NOX4: variants seen among roughly 807,000 people sequenced by gnomAD.
NOX4 encodes the protein kidney oxidase-1.
A neutral mutation model predicts 87.6 loss-of-function variants in NOX4; 69 were observed. That is an observed-to-expected ratio of 0.79 (90% CI 0.65 to 0.96). NOX4 has a LOEUF of 0.96. NOX4 is among the 40% of genes least tolerant of loss of function. NOX4 has a pLI of 0.00. For synonymous variants in NOX4, 275 were observed against 238.2 expected (o/e 1.15, Z -1.42); for missense variants, 680 against 681.5 (o/e 1.00, Z 0.02).
chr11:89,475,440 G>T (rs1002680572), intron 2 of NOX4, among the ~76,000 whole-genome samples: 1 of 152,028 alleles, frequency 6.6e-6, no homozygotes, highest in East Asian at 1.9e-4. Flanking sequence ...CTACTTTTGT[G>T]CATTTTTCAT....
At chr11:89,486,819 G>A (rs1400607984) in intron 2 of NOX4, among the ~76,000 whole-genome samples, 1 of 151,332 alleles carries the variant, frequency 6.6e-6, no homozygotes, top group Non-Finnish European at 1.5e-5. Context: ...TCCCACCTTG[G>A]CCTCCCAAAC....
chr11:89,330,989 A>T (rs1282892892), intron 17 of NOX4, among the ~76,000 whole-genome samples: 2 of 151,984 alleles, frequency 1.3e-5, no homozygotes, highest in Non-Finnish European at 2.9e-5. Context: ...AACCTATTGG[A>T]ACTAATTGGC....
At chr11:89,377,266 A>G (rs508115) in intron 11 of NOX4, among the ~76,000 whole-genome samples, 3,916 of 152,284 alleles carry the variant, frequency 0.026, 157 homozygotes, top group African/African-American at 0.09. Flanking sequence ...AATAATTTTA[A>G]GTATTTTGAA....
intron 13 of NOX4, among the ~76,000 whole-genome samples, chr11:89,354,090 T>C (rs545146227): frequency 6.6e-5 from 10 of 152,364 alleles, no homozygotes; most frequent in Admixed American, 2.6e-4. Context: ...GCAAAGTTTA[T>C]GAATACTTGA....
At chr11:89,580,767 C>T in the NOX4 span, among the ~76,000 whole-genome samples, 1 of 152,108 alleles carries the variant, frequency 6.6e-6, no homozygotes, top group African/African-American at 2.4e-5. Flanking sequence ...GATATGGTTC[C>T]TGCACAGAGT....
chr11:89,413,565 G>C (rs1344907725), intron 8 of NOX4, among the ~76,000 whole-genome samples: 1 of 152,112 alleles, frequency 6.6e-6, no homozygotes, highest in African/African-American at 2.4e-5. Flanking sequence ...AGTGAAATAA[G>C]CAAGGCACAG....
the NOX4 span, among the ~76,000 whole-genome samples, chr11:89,555,789 G>A: frequency 5.3e-5 from 8 of 152,104 alleles, no homozygotes; most frequent in East Asian, 1.9e-4. Context: ...AGCAGAGAAA[G>A]GAGAGAGCCG....
the NOX4 span, among the ~76,000 whole-genome samples, chr11:89,588,090 C>G: frequency 6.6e-6 from 1 of 152,124 alleles, no homozygotes; most frequent in Non-Finnish European, 1.5e-5. Context: ...TGAATAAATA[C>G]TTATTTGCTT....
At position 89,400,283 on chromosome 11, in the gene NOX4, T is replaced by C; in HGVS notation, c.943A>G (p.Met315Val). 6.2e-7 allele frequency: 1 copy of C among 1,613,020 alleles called. No homozygotes were observed. The change falls in exon 10 of 18, where the codon ATG becomes GTG. Residue 315 changes from methionine (M) to valine (V), a missense_variant. By Grantham distance (21) the Met-to-Val change is conservative. Coordinates refer to ENST00000263317, the MANE Select transcript of NOX4 (RefSeq NM_016931.5). ...TCCATGACATCTGAGGGATGACTCA[T>C]GACCGAAATGATGGTGACTGGCTTA... is the stretch of plus-strand genomic sequence containing the variant. Reference protein sequence around the residue: ...SNKPVTIISVMSHPSDVMEIR... With the variant: ...SNKPVTIISVVSHPSDVMEIR...
chr11:89,500,127 G>A (rs955795374), upstream of NOX4, among the ~76,000 whole-genome samples: 10 of 152,120 alleles, frequency 6.6e-5, no homozygotes, highest in Admixed American at 6.6e-4. Context: ...AGATTATTGT[G>A]TAAGATCAAA....
intron 7 of NOX4, among the ~76,000 whole-genome samples, chr11:89,423,423 G>C (rs1039254307): frequency 1.3e-5 from 2 of 151,916 alleles, no homozygotes; most frequent in African/African-American, 4.8e-5. Flanking sequence ...ACCTACATTT[G>C]CTTAAACTTT....
chr11:89,457,340 C>T (rs962505007), intron 2 of NOX4, among the ~76,000 whole-genome samples: 34 of 152,172 alleles, frequency 2.2e-4, no homozygotes, highest in African/African-American at 8.0e-4. Flanking sequence ...TCTGCCTCTG[C>T]CACCGCCCTG....
intron 17 of NOX4, among the ~76,000 whole-genome samples, chr11:89,327,557 A>C (rs533004406): frequency 2.0e-5 from 3 of 152,274 alleles, no homozygotes; most frequent in African/African-American, 7.2e-5. Flanking sequence ...AAATAGACTA[A>C]ATAAATCCCA....
chr11:89,526,301 T>C, the NOX4 span, among the ~76,000 whole-genome samples: 12 of 152,298 alleles, frequency 7.9e-5, no homozygotes, highest in East Asian at 2.1e-3. Flanking sequence ...ATCTGATATA[T>C]TTTGATGCAA....
chr11:89,537,280 A>G, the NOX4 span, among the ~76,000 whole-genome samples: 1 of 152,104 alleles, frequency 6.6e-6, no homozygotes, highest in Admixed American at 6.5e-5. Flanking sequence ...CCTACTGAGT[A>G]TATTATTTGA....
At chr11:89,503,873 C>G in the NOX4 span, among the ~76,000 whole-genome samples, 1 of 145,382 alleles carries the variant, frequency 6.9e-6, no homozygotes, top group African/African-American at 2.6e-5. Flanking sequence ...CATACTAGAT[C>G]AAAGCTGAGA....
chr11:89,493,726 TATTA>T (rs1565357802), upstream of NOX4, among the ~76,000 whole-genome samples: 223 of 106,308 alleles, frequency 2.1e-3, 3 homozygotes, highest in East Asian at 0.015. Flanking sequence ...ATTGTTTTAT[TATTA>T]TTATTATTAT....
Position 89,445,278 on chromosome 11 carries a change from A to G in NOX4, c.350-1046T>C, listed in dbSNP as rs1944646490. Among the ~76,000 whole-genome samples the G allele has an allele frequency of 2.6e-5, 4 of 152,052 alleles. 1 individual carries two copies. The South Asian group carries it at 8.3e-4, about 32-fold the overall frequency. ...AGAAGACATAGCCTGGAATCTAGAA[A>G]ACTCTATAATTTCCCACAACCCATA... On this transcript the variant is annotated intron_variant, in intron 4 of 17. Coordinates refer to ENST00000263317, the MANE Select transcript of NOX4 (RefSeq NM_016931.5).
At chr11:89,582,122 T>C in the NOX4 span, among the ~76,000 whole-genome samples, 1 of 152,198 alleles carries the variant, frequency 6.6e-6, no homozygotes, top group Non-Finnish European at 1.5e-5. Flanking sequence ...GGTCATTCAG[T>C]GTTCATCCTG....
Sources: gnomAD v4.1 joint callset for allele counts (sites outside exome capture counted in the v4.1 genomes callset) on GRCh38, gnomAD v4.1.1 for gene constraint, MANE v1.5 for transcripts, NCBI Gene and HGNC (gene_info 2026-07-23, HGNC 2026-07-21) for gene names.